Variants in MSH4 observed in about 807,000 individuals in gnomAD.
MSH4 encodes mutS protein homolog 4.
In MSH4, 106 loss-of-function variants were observed where a neutral mutation model predicts 113.7. That is an observed-to-expected ratio of 0.93 (90% CI 0.80 to 1.10). The LOEUF is 1.10. Among genes scored for constraint, MSH4 ranks in the 50% least tolerant of loss-of-function variants. The pLI is 0.00. For synonymous variants in MSH4, 368 were observed against 380.2 expected (o/e 0.97, Z 0.37); for missense variants, 1,061 against 1,093.7 (o/e 0.97, Z 0.42).
chr1:75,824,132 C>T (rs1478312747), intron 7 of MSH4, among the ~76,000 whole-genome samples: 1 of 152,120 alleles, frequency 6.6e-6, no homozygotes, highest in African/African-American at 2.4e-5. Flanking sequence ...TCCTCTCCAG[C>T]ATCTGTTGTT....
intron 9 of MSH4, among the ~76,000 whole-genome samples, chr1:75,875,361 TG>T (rs1651797290): frequency 6.6e-6 from 1 of 152,208 alleles, no homozygotes; most frequent in Non-Finnish European, 1.5e-5. Context: ...AAATGTGTGA[TG>T]GGCTTATTGA....
intron 17 of MSH4, among the ~76,000 whole-genome samples, chr1:75,894,744 G>A (rs1195383021): frequency 6.6e-6 from 1 of 152,180 alleles, no homozygotes; most frequent in Non-Finnish European, 1.5e-5. Context: ...CTGTGCTCAT[G>A]GAATTCACTG....
chr1:75,892,390 C>CTT (rs1428341894), intron 17 of MSH4, among the ~76,000 whole-genome samples: 1 of 151,516 alleles, frequency 6.6e-6, no homozygotes, highest in Non-Finnish European at 1.5e-5. Context: ...CTCTCTCTCT[C>CTT]TCTCTTTCTC....
chr1:75,879,663 G>C (rs998718442), intron 12 of MSH4, among the ~76,000 whole-genome samples: 1 of 152,140 alleles, frequency 6.6e-6, no homozygotes, highest in Non-Finnish European at 1.5e-5. Flanking sequence ...TACGATTAGA[G>C]ATTGAGTTGA....
At chr1:75,872,890 C>G (rs1337868727) in intron 9 of MSH4, among the ~76,000 whole-genome samples, 1 of 152,152 alleles carries the variant, frequency 6.6e-6, no homozygotes, top group South Asian at 2.1e-4. Flanking sequence ...CAGAACAAAT[C>G]GATAATGCTG....
chr1:75,899,636 T>C lies in MSH4; in HGVS notation c.2549T>C (p.Val850Ala). 1.3e-6 allele frequency: 2 copies of C among 1,501,028 alleles called. No homozygotes were observed. Among genetic ancestry groups the C allele is most frequent in the Non-Finnish European group, 1.8e-6 (2 of 1,130,452 alleles). The allele number at this position is 1,501,028 out of a possible 1,614,324, so 93.0% of individuals were successfully genotyped here. A position where few individuals can be genotyped will look rare whatever the true frequency, so the allele number is the denominator to read the frequency against. Residue 850 changes from valine (V) to alanine (A), a missense_variant, in exon 19 of 20, where the codon GTG becomes GCG. Physicochemically the swap from Val to Ala is moderately conservative, Grantham distance 64. Transcript: ENST00000263187. The part of the protein sequence containing the change: ...EKNYGLKAAE[V>A]SSLPPSIVLD... ...ATTCTAGGATTAAAAGCTGCAGAGG[T>C]GTCATCACTTCCACCATCAATTGTC... is the stretch of plus-strand genomic sequence containing the variant.
intron 15 of MSH4, among the ~76,000 whole-genome samples, chr1:75,887,649 G>T (rs774596009): frequency 9.2e-5 from 14 of 152,124 alleles, no homozygotes; most frequent in Non-Finnish European, 8.8e-5. Context: ...ATTTGTCCAA[G>T]ATTATATAGT....
In MSH4 at chr1:75,908,148, G is replaced by GTTT. The variant is rs774325755; in HGVS notation, c.2620-4535_2620-4533dup. Among the ~76,000 whole-genome samples, 607 of 129,406 alleles carry GTTT rather than the reference G, an allele frequency of 4.7e-3. 28 individuals carry two copies. Among genetic ancestry groups the GTTT allele is most frequent in the African/African-American group, 0.012 (426 of 34,154 alleles). The allele number at this position is 129,406 out of a possible 152,430, so 84.9% of individuals were successfully genotyped here. A position where few individuals can be genotyped will look rare whatever the true frequency, so the allele number is the denominator to read the frequency against. ...ATTTGATTTTTAAAAACTTTCATCT[G>GTTT]TTTTTTTTTTTTTTTGAGACAGAGT... On this transcript the variant is annotated intron_variant, in intron 19 of 19. Transcript: ENST00000263187.
chr1:75,867,425 TG>T, intron 8 of MSH4, 88 bp from the exon 9 acceptor site: 1 of 739,894 alleles, frequency 1.4e-6, no homozygotes, highest in South Asian at 1.6e-5. Flanking sequence ...ATATGGGATA[TG>T]GAAAGAGTAA....
intron 1 of MSH4, 114 bp downstream of exon 1, chr1:75,797,343 G>A: frequency 4.3e-6 from 6 of 1,383,170 alleles, no homozygotes; most frequent in Non-Finnish European, 5.8e-6. Flanking sequence ...TGGTTGGGGC[G>A]TGAGATCTGA....
chr1:75,840,721 A>T (rs891276007), intron 7 of MSH4, among the ~76,000 whole-genome samples: 12 of 87,626 alleles, frequency 1.4e-4, no homozygotes, highest in East Asian at 1.8e-3. Flanking sequence ...TAAACCTTTT[A>T]AAAAAAACCC....
rs367673746 is a variant in MSH4, at chr1:75,837,411, C to T, written c.1163-10798C>T. ...CTTTTTTTTTTTTTTTTTTTTGAGACGGAGTCTTGCTGTCACCTACCCTGG... is the reference window on the plus strand; with the variant it reads ...CTTTTTTTTTTTTTTTTTTTTGAGATGGAGTCTTGCTGTCACCTACCCTGG... On this transcript the variant is annotated intron_variant, in intron 7 of 19. Coordinates refer to ENST00000263187, the MANE Select transcript of MSH4 (RefSeq NM_002440.4). 1.0e-3 allele frequency among the ~76,000 whole-genome samples: 108 copies of T among 107,134 alleles called. 1 individual carries two copies. Among genetic ancestry groups the T allele is most frequent in the African/African-American group, 3.6e-3 (100 of 28,068 alleles). 70.3% of individuals were successfully genotyped at this position (107,134 alleles called of 152,430 possible).
chr1:75,841,385 C>T (rs781174737), intron 7 of MSH4, among the ~76,000 whole-genome samples: 3 of 151,886 alleles, frequency 2.0e-5, no homozygotes, highest in Non-Finnish European at 4.4e-5. Context: ...TTTTGTAGAG[C>T]CAGGGTCTTG....
At chr1:75,870,457 G>C (rs974829924) in intron 9 of MSH4, among the ~76,000 whole-genome samples, 2 of 152,138 alleles carry the variant, frequency 1.3e-5, no homozygotes, top group African/African-American at 4.8e-5. Flanking sequence ...TGGTTTGGCT[G>C]TTTCCCTACC....
intron 13 of MSH4, among the ~76,000 whole-genome samples, chr1:75,880,780 G>GT (rs927128157): frequency 6.6e-6 from 1 of 151,940 alleles, no homozygotes; most frequent in African/African-American, 2.4e-5. Context: ...TTGTGTCTGT[G>GT]TGCATGTGTG....
chr1:75,835,006 C>T (rs1650798048), intron 7 of MSH4, among the ~76,000 whole-genome samples: 1 of 152,176 alleles, frequency 6.6e-6, no homozygotes, highest in African/African-American at 2.4e-5. Flanking sequence ...CATGGTGGTG[C>T]AGTTTTATTC....
rs370999649 is a variant in MSH4, at chr1:75,845,835, G to T, written c.1163-2374G>T. Among the ~76,000 whole-genome samples the T allele has an allele frequency of 1.3e-3, 203 of 152,226 alleles. 1 individual carries two copies. In the South Asian group the frequency reaches 0.014, roughly 11 times the overall value. On this transcript the variant is annotated intron_variant, in intron 7 of 19. Transcript: ENST00000263187. ...ACCAGGCATAGTGGGGGCTTTCTGT[G>T]GTAGGTTCTCTGTGGTGGCTCTGCC...
intron 8 of MSH4, among the ~76,000 whole-genome samples, chr1:75,861,440 G>A (rs2100556463): frequency 6.6e-6 from 1 of 152,284 alleles, no homozygotes; most frequent in African/African-American, 2.4e-5. Flanking sequence ...ACCTACGGAT[G>A]GGGTTTTGTG....
intron 18 of MSH4, among the ~76,000 whole-genome samples, chr1:75,899,039 T>C (rs1009389145): frequency 2.0e-5 from 3 of 152,202 alleles, no homozygotes; most frequent in African/African-American, 7.2e-5. Flanking sequence ...TGCTTCTATT[T>C]CTAAAGCAAT....
Sources: gnomAD v4.1 joint callset for allele counts (sites outside exome capture counted in the v4.1 genomes callset) on GRCh38, gnomAD v4.1.1 for gene constraint, MANE v1.5 for transcripts, NCBI Gene and HGNC (gene_info 2026-07-23, HGNC 2026-07-21) for gene names.